The following PARP8 variants were observed in gnomAD, a reference collection of about 807,000 sequenced individuals.
The protein encoded by PARP8 is protein mono-ADP-ribosyltransferase PARP8.
PARP8 carries 51 observed loss-of-function variants against 124.1 expected under a neutral mutation model. The observed-to-expected ratio is 0.41, with a 90% CI of 0.33 to 0.52. The LOEUF is 0.52. Ranked by LOEUF, PARP8 falls within the 20% of genes least tolerant of loss-of-function variation. PARP8 has a pLI of 0.21. For synonymous variants in PARP8, 391 were observed against 361.5 expected (o/e 1.08, Z -0.93); for missense variants, 860 against 1,018.9 (o/e 0.84, Z 2.12).
At chr5:50,768,591 A>G (rs1761283835) in intron 7 of PARP8, among the ~76,000 whole-genome samples, 2 of 152,336 alleles carry the variant, frequency 1.3e-5, no homozygotes, top group Admixed American at 1.3e-4. Flanking sequence ...CACAGTGAAT[A>G]AATATAGGCA....
intron 7 of PARP8, among the ~76,000 whole-genome samples, chr5:50,763,955 A>G (rs1015467609): frequency 2.0e-5 from 3 of 152,092 alleles, no homozygotes; most frequent in African/African-American, 7.2e-5. Flanking sequence ...TTATGCTCCC[A>G]GACTACCCAG....
chr5:50,717,566 A>C (rs1755447114), intron 2 of PARP8, among the ~76,000 whole-genome samples: 3 of 151,870 alleles, frequency 2.0e-5, no homozygotes, highest in Admixed American at 2.0e-4. Flanking sequence ...AAAGCCCAAG[A>C]GTAGATGATA....
chr5:50,813,317 T>C (rs1744695668), intron 14 of PARP8, among the ~76,000 whole-genome samples: 1 of 152,224 alleles, frequency 6.6e-6, no homozygotes. Context: ...ACATCCCTTG[T>C]AAGTTGGATT....
chr5:50,834,736 T>C (rs918994870), intron 24 of PARP8, 195 bp from the exon 25 acceptor site: 7 of 596,926 alleles, frequency 1.2e-5, no homozygotes, highest in Non-Finnish European at 2.1e-5. Context: ...TTATTCAAAT[T>C]ATAAAGTTGT....
intron 2 of PARP8, among the ~76,000 whole-genome samples, chr5:50,696,492 T>C (rs1185171522): frequency 6.6e-6 from 1 of 152,206 alleles, no homozygotes; most frequent in Non-Finnish European, 1.5e-5. Flanking sequence ...GCCATAATTA[T>C]ATTATCTAAA....
At chr5:50,796,835 T>A (rs987759732) in intron 12 of PARP8, 147 bp from the exon 13 acceptor site, 19 of 690,544 alleles carry the variant, frequency 2.8e-5, no homozygotes, top group Non-Finnish European at 4.4e-5. Flanking sequence ...AAAAAGTTTT[T>A]AATTTTGATG....
chr5:50,682,640 T>C (rs1751423604), intron 2 of PARP8, among the ~76,000 whole-genome samples: 1 of 152,164 alleles, frequency 6.6e-6, no homozygotes, highest in Non-Finnish European at 1.5e-5. Context: ...CTTTCCCCTG[T>C]AAAATTAAGC....
chr5:50,800,984 C>T (rs1216190564), intron 14 of PARP8, among the ~76,000 whole-genome samples: 1 of 151,914 alleles, frequency 6.6e-6, no homozygotes, highest in East Asian at 1.9e-4. Context: ...TCTTGAACTC[C>T]TGGGCTCAAG....
chr5:50,757,654 A>G (rs1760110161), intron 3 of PARP8, among the ~76,000 whole-genome samples: 1 of 152,198 alleles, frequency 6.6e-6, no homozygotes, highest in African/African-American at 2.4e-5. Flanking sequence ...TAGCCTATGC[A>G]ACTTATAGTC....
chr5:50,771,340 G>T (rs1470477828), intron 7 of PARP8, among the ~76,000 whole-genome samples: 1 of 152,096 alleles, frequency 6.6e-6, no homozygotes, highest in East Asian at 1.9e-4. Flanking sequence ...TGTATTTTCA[G>T]TAGAGACGGG....
intron 14 of PARP8, among the ~76,000 whole-genome samples, chr5:50,811,668 C>T (rs1744461261): frequency 6.6e-6 from 1 of 151,952 alleles, no homozygotes; most frequent in African/African-American, 2.4e-5. Flanking sequence ...TATACATGTG[C>T]CATGTTGGTT....
chr5:50,678,226 A>T (rs1277377383), intron 2 of PARP8, among the ~76,000 whole-genome samples: 7 of 152,184 alleles, frequency 4.6e-5, no homozygotes, highest in Non-Finnish European at 1.0e-4. Flanking sequence ...ATCACCATAG[A>T]AATACAATAT....
rs192379548 is a variant in PARP8, at chr5:50,792,017, T to G, written c.738-2190T>G. 6.8e-3 allele frequency among the ~76,000 whole-genome samples: 1,041 copies of G among 152,340 alleles called. 7 individuals carry two copies. The highest frequency in any genetic ancestry group is 0.039 in the East Asian group (201 of 5,190). On this transcript the variant is annotated intron_variant, in intron 10 of 25. Transcript: ENST00000281631. ...TTTGAAATCAACATGTAAAACAGTG[T>G]GATGTCATCCCTATGTACTTGCTTT...
chr5:50,790,598 A>T (rs947734268), intron 10 of PARP8, among the ~76,000 whole-genome samples: 1 of 152,116 alleles, frequency 6.6e-6, no homozygotes, highest in Admixed American at 6.5e-5. Context: ...ATAAGATAAG[A>T]TTTACAAAAG....
chr5:50,694,458 T>C (rs2149465544), intron 2 of PARP8, among the ~76,000 whole-genome samples: 1 of 152,360 alleles, frequency 6.6e-6, no homozygotes, highest in South Asian at 2.1e-4. Flanking sequence ...TTTATTTTCC[T>C]AGGTTTAATT....
intron 14 of PARP8, among the ~76,000 whole-genome samples, chr5:50,813,130 A>G (rs1377360426): frequency 1.3e-5 from 2 of 152,206 alleles, no homozygotes; most frequent in Non-Finnish European, 2.9e-5. Context: ...TTCTGTGAAG[A>G]AAGTCATTGG....
chr5:50,766,609 C>G (rs958486904), intron 7 of PARP8, among the ~76,000 whole-genome samples: 7 of 152,122 alleles, frequency 4.6e-5, no homozygotes, highest in African/African-American at 1.7e-4. Flanking sequence ...GAGTAATAGT[C>G]TAACCTTTTT....
chr5:50,788,189 A>AT, intron 9 of PARP8, among the ~76,000 whole-genome samples: 1 of 144,310 alleles, frequency 6.9e-6, no homozygotes, highest in Admixed American at 7.4e-5. Flanking sequence ...AATATATAAT[A>AT]TATTAATGTA....
intron 14 of PARP8, among the ~76,000 whole-genome samples, chr5:50,805,681 G>A (rs1475229974): frequency 6.6e-6 from 1 of 151,884 alleles, no homozygotes; most frequent in Non-Finnish European, 1.5e-5. Flanking sequence ...GACCTTTTTT[G>A]TATTTCAAGA....
Sources: gnomAD v4.1 joint callset for allele counts (sites outside exome capture counted in the v4.1 genomes callset) on GRCh38, gnomAD v4.1.1 for gene constraint, MANE v1.5 for transcripts, NCBI Gene and HGNC (gene_info 2026-07-23, HGNC 2026-07-21) for gene names.